Variants in IMMP1L observed in about 807,000 individuals in gnomAD.
The protein encoded by IMMP1L is mitochondrial inner membrane protease subunit 1.
Under a neutral mutation model 21.8 loss-of-function variants are expected in IMMP1L, and 24 were observed. The observed-to-expected ratio is 1.10, with a 90% confidence interval of 0.80 to 1.55. The LOEUF (loss-of-function observed/expected upper bound fraction) is 1.55. Among genes scored for constraint, IMMP1L ranks in the 40% most tolerant of loss-of-function variants. The pLI, the probability that IMMP1L is intolerant of heterozygous loss-of-function variation, is 0.00. For missense variants in IMMP1L, 195 were observed against 200.7 expected, an observed-to-expected ratio of 0.97 and a Z score of 0.17; for synonymous variants, 46 against 62.8, an observed-to-expected ratio of 0.73 and a Z score of 1.26.
intron 1 of IMMP1L, among the ~76,000 whole-genome samples, chr11:31,479,137 T>TA (rs942684251): frequency 2.0e-4 from 30 of 151,236 alleles, no homozygotes; most frequent in South Asian, 4.2e-4. Context: ...AAGTTTTATA[T>TA]AAAAAAAAAG....
At chr11:31,492,758 T>TG (rs764221316) in intron 1 of IMMP1L, among the ~76,000 whole-genome samples, 1 of 152,100 alleles carries the variant, frequency 6.6e-6, no homozygotes, top group Non-Finnish European at 1.5e-5. Flanking sequence ...GAAGGAGAGC[T>TG]GGGGGGACAG....
At position 31,507,054 on chromosome 11, in the gene IMMP1L, C is replaced by T. The variant is rs1420979593; in HGVS notation, c.-30+2465G>A. Reference sequence around the variant, plus strand: ...CAGCACTTTGGGAGGCCGAGGTGGGCGGATCACGAGGTCAGGAGACTGAGA... The same window carrying T: ...CAGCACTTTGGGAGGCCGAGGTGGGTGGATCACGAGGTCAGGAGACTGAGA... On this transcript the variant is annotated intron_variant, in intron 1 of 5. Transcript: ENST00000532287. 3.3e-5 allele frequency among the ~76,000 whole-genome samples: 5 copies of T among 151,836 alleles called. No individual in the cohort carries two copies. In the East Asian group the frequency reaches 5.8e-4, roughly 18 times the overall value.
chr11:31,486,089 T>C (rs565301434), intron 1 of IMMP1L, among the ~76,000 whole-genome samples: 2 of 151,680 alleles, frequency 1.3e-5, no homozygotes, highest in Admixed American at 6.6e-5. Context: ...CTCCTTACGA[T>C]AGACATGCAA....
chr11:31,500,062 T>C (rs568437820), intron 1 of IMMP1L, among the ~76,000 whole-genome samples: 72 of 152,120 alleles, frequency 4.7e-4, no homozygotes, highest in Non-Finnish European at 9.3e-4. Context: ...ATCTGGCTAT[T>C]AGAGAACGAC....
intron 1 of IMMP1L, among the ~76,000 whole-genome samples, chr11:31,479,408 C>A (rs1954820279): frequency 6.6e-6 from 1 of 152,016 alleles, no homozygotes; most frequent in Non-Finnish European, 1.5e-5. Context: ...CTATAAAAAA[C>A]TTTATGTAAT....
chr11:31,437,759 C>A (rs528907732), intron 4 of IMMP1L, among the ~76,000 whole-genome samples: 2 of 152,254 alleles, frequency 1.3e-5, no homozygotes, highest in East Asian at 3.9e-4. Flanking sequence ...GTTCCTATCG[C>A]CATGCCTAGA....
chr11:31,435,495 C>A (rs896913785), intron 4 of IMMP1L, among the ~76,000 whole-genome samples: 5 of 152,146 alleles, frequency 3.3e-5, no homozygotes, highest in African/African-American at 1.2e-4. Flanking sequence ...AAAATAACTG[C>A]GGTTTTTGCC....
intron 1 of IMMP1L, among the ~76,000 whole-genome samples, chr11:31,500,612 A>AC (rs1491094510): frequency 0.12 from 16,963 of 145,040 alleles, 1,201 homozygotes; most frequent in African/African-American, 0.19. Context: ...CACACACACA[A>AC]ACACACACAC....
intron 1 of IMMP1L, among the ~76,000 whole-genome samples, chr11:31,495,808 G>T (rs1473054093): frequency 6.6e-6 from 1 of 152,034 alleles, no homozygotes; most frequent in East Asian, 1.9e-4. Context: ...GAGAAAACTA[G>T]ATATCAACAT....
chr11:31,504,211 ATTG>A (rs1248907752), intron 1 of IMMP1L, among the ~76,000 whole-genome samples: 9 of 152,378 alleles, frequency 5.9e-5, no homozygotes, highest in South Asian at 2.1e-4. Context: ...CTAAGAAAAA[ATTG>A]TTAAGTCAGA....
intron 4 of IMMP1L, chr11:31,453,181 G>T (rs1953816203): frequency 9.4e-7 from 1 of 1,067,356 alleles, no homozygotes; most frequent in Admixed American, 2.8e-5. Context: ...AAACAAAAAA[G>T]AACTCTGGAA....
At chr11:31,433,688 A>C (rs1953004274) in intron 4 of IMMP1L, 118 bp from the exon 5 acceptor site, 3 of 498,802 alleles carry the variant, frequency 6.0e-6, no homozygotes, top group Non-Finnish European at 7.0e-6. Flanking sequence ...TTTATAGAAT[A>C]GATACAAATC....
At chr11:31,473,121 C>T (rs1490375818) in intron 1 of IMMP1L, among the ~76,000 whole-genome samples, 2 of 152,196 alleles carry the variant, frequency 1.3e-5, no homozygotes, top group African/African-American at 4.8e-5. Flanking sequence ...GCGATCTTGG[C>T]TCACCGCAAG....
chr11:31,463,495 G>T (rs541790326), intron 1 of IMMP1L, among the ~76,000 whole-genome samples, 190 bp from the exon 2 acceptor site: 1 of 152,162 alleles, frequency 6.6e-6, no homozygotes, highest in African/African-American at 2.4e-5. Context: ...TAAATATTTT[G>T]ATTTACCAAA....
intron 1 of IMMP1L, among the ~76,000 whole-genome samples, chr11:31,470,698 A>G (rs1416431085): frequency 1.3e-5 from 2 of 152,230 alleles, no homozygotes. Context: ...AGCACTATTC[A>G]GAATAGGCAA....
In IMMP1L at chr11:31,473,832, T is replaced by C. The variant is rs553619414; in HGVS notation, c.-29-10527A>G. On this transcript the variant is annotated intron_variant, in intron 1 of 5. Transcript: ENST00000532287. The stretch of plus-strand genomic sequence containing the variant: ...TCGTTTCAGAAACAGGAAAAATATA[T>C]ATATACACATTATACAAGTATGTAA... 8.9e-5 allele frequency: 56 copies of C among 630,092 alleles called. 1 individual carries two copies. In the African/African-American group the frequency reaches 1.0e-3, roughly 11 times the overall value. The allele number at this position is 630,092 out of a possible 1,614,324, so 39.0% of individuals were successfully genotyped here.
Position 31,472,342 on chromosome 11 carries a change from G to C in IMMP1L, c.-29-9037C>G, listed in dbSNP as rs576340384. Among the ~76,000 whole-genome samples, 30 of 152,260 alleles carry C rather than the reference G, an allele frequency of 2.0e-4. No homozygotes were observed. The South Asian group carries it at 5.8e-3, about 29-fold the overall frequency. Reference sequence around the variant, plus strand: ...ATGGCATCATCTTGAAACTGATTTGGTCAAATACAAGACTTATTAGAATCA... The same window carrying C: ...ATGGCATCATCTTGAAACTGATTTGCTCAAATACAAGACTTATTAGAATCA... On this transcript the variant is annotated intron_variant, in intron 1 of 5. Coordinates refer to ENST00000532287, the MANE Select transcript of IMMP1L (RefSeq NM_001304274.2).
intron 1 of IMMP1L, among the ~76,000 whole-genome samples, chr11:31,470,443 A>G (rs980831792): frequency 4.6e-5 from 7 of 152,046 alleles, no homozygotes; most frequent in Admixed American, 4.6e-4. Flanking sequence ...ACAAAAAAAA[A>G]AAGAATCAGG....
intron 3 of IMMP1L, among the ~76,000 whole-genome samples, chr11:31,459,970 A>G (rs980077411): frequency 6.6e-6 from 1 of 152,096 alleles, no homozygotes; most frequent in Non-Finnish European, 1.5e-5. Flanking sequence ...CAGCCTGGGC[A>G]ACATGGCGAA....
Sources: allele counts gnomAD v4.1 joint callset (sites outside exome capture counted in the v4.1 genomes callset), GRCh38; gene constraint gnomAD v4.1.1; transcripts MANE v1.5; gene names NCBI Gene and HGNC (gene_info 2026-07-23, HGNC 2026-07-21).